The following PAG1 variants were observed in gnomAD, a reference collection of about 807,000 sequenced individuals.
The protein encoded by PAG1 is phosphoprotein membrane anchor with glycosphingolipid microdomains 1, also known as phosphoprotein associated with glycosphingolipid-enriched microdomains 1.
PAG1 carries 23 observed loss-of-function variants against 31.7 expected under a neutral mutation model. That is an observed-to-expected ratio of 0.73 (90% CI 0.52 to 1.03). The LOEUF (loss-of-function observed/expected upper bound fraction) is 1.03, where lower values mean the gene tolerates loss of function less well. Ranked by LOEUF, PAG1 falls within the 50% of genes least tolerant of loss-of-function variation. The probability of loss-of-function intolerance (pLI) is 0.00; values close to 1 mark genes in which losing one functional copy is unlikely to be tolerated. For missense variants in PAG1, 473 were observed against 540.7 expected (o/e 0.87, Z 1.24); for synonymous variants, 214 against 210.3 (o/e 1.02, Z -0.15).
chr8:81,088,408 C>A (rs754986260), intron 1 of PAG1, among the ~76,000 whole-genome samples: 1 of 152,042 alleles, frequency 6.6e-6, no homozygotes, highest in Non-Finnish European at 1.5e-5. Context: ...GCATTTAACA[C>A]CATGATGTGT....
chr8:81,040,302 G>C (rs1808532907), intron 2 of PAG1, among the ~76,000 whole-genome samples: 1 of 152,146 alleles, frequency 6.6e-6, no homozygotes, highest in African/African-American at 2.4e-5. Context: ...AGGAAACTGA[G>C]CCCTGGCTGT....
At chr8:81,046,658 C>T (rs1034942537) in intron 2 of PAG1, among the ~76,000 whole-genome samples, 2 of 151,956 alleles carry the variant, frequency 1.3e-5, no homozygotes, top group African/African-American at 4.8e-5. Context: ...CTTGGAAGCC[C>T]CGTTTCTAAG....
chr8:81,026,296 G>A (rs1163776745), intron 3 of PAG1, among the ~76,000 whole-genome samples: 1 of 151,480 alleles, frequency 6.6e-6, no homozygotes, highest in Non-Finnish European at 1.5e-5. Context: ...TTCAGTGAGC[G>A]CAGATAGCAC....
rs117989655 is a variant in PAG1, at chr8:80,990,092, C to T, written c.177+1387G>A. Among the ~76,000 whole-genome samples the T allele has an allele frequency of 4.5e-3, 660 of 145,336 alleles. 17 individuals carry two copies. The East Asian group carries it at 0.055, about 12-fold the overall frequency. On this transcript the variant is annotated intron_variant, in intron 5 of 8. Transcript: ENST00000220597. This position sits in a 1 kb window ranked among gnomAD's most constrained non-coding sequence, Gnocchi z 5.1. ...CAGCAATCACCAGGCAGAGCAGGGG[C>T]GCTGGGAACAGATGAGAAGTGGCGA...
At chr8:81,038,231 C>G (rs1377307708) in intron 2 of PAG1, among the ~76,000 whole-genome samples, 1 of 152,152 alleles carries the variant, frequency 6.6e-6, no homozygotes, top group African/African-American at 2.4e-5. Context: ...GTTGTGGGGT[C>G]AGTAACTAAC....
chr8:80,986,859 T>A (rs1228410605), intron 6 of PAG1, among the ~76,000 whole-genome samples: 1 of 151,766 alleles, frequency 6.6e-6, no homozygotes, highest in Non-Finnish European at 1.5e-5. Context: ...GCCAATGGAT[T>A]CTCCTTGAGG....
intron 7 of PAG1, among the ~76,000 whole-genome samples, chr8:80,981,862 C>CCTT (rs1554598378): frequency 5.8e-4 from 60 of 103,428 alleles, no homozygotes; most frequent in African/African-American, 2.6e-3. Flanking sequence ...ATCTCACTTC[C>CCTT]TTTTTTTTTT....
At chr8:81,108,042 A>G (rs1471617098) in intron 1 of PAG1, among the ~76,000 whole-genome samples, 1 of 152,236 alleles carries the variant, frequency 6.6e-6, no homozygotes, top group Non-Finnish European at 1.5e-5. Context: ...TCAGAAGAAA[A>G]TTATTCAGAG....
At chr8:81,041,290 T>C (rs920818067) in intron 2 of PAG1, among the ~76,000 whole-genome samples, 5 of 151,786 alleles carry the variant, frequency 3.3e-5, no homozygotes, top group South Asian at 2.1e-4. Flanking sequence ...AAAACCACAA[T>C]AGAGGGACAA....
intron 2 of PAG1, among the ~76,000 whole-genome samples, chr8:81,057,878 CCATA>C (rs927980189): frequency 6.6e-6 from 1 of 152,108 alleles, no homozygotes; most frequent in Non-Finnish European, 1.5e-5. Flanking sequence ...CTTCTTTCCA[CCATA>C]TATATAAATC....
chr8:81,045,304 T>C (rs1808623360), intron 2 of PAG1, among the ~76,000 whole-genome samples: 1 of 152,234 alleles, frequency 6.6e-6, no homozygotes, highest in Admixed American at 6.5e-5. Context: ...TTTCAGGTTG[T>C]TATTTTTGAT....
intron 1 of PAG1, among the ~76,000 whole-genome samples, chr8:81,073,522 CAAA>C (rs1809127034): frequency 1.3e-5 from 2 of 152,164 alleles, no homozygotes; most frequent in African/African-American, 4.8e-5. Flanking sequence ...CTTGTCTATT[CAAA>C]AAGACCGGGA....
At chr8:81,004,066 C>T (rs900467364) in intron 3 of PAG1, among the ~76,000 whole-genome samples, 38 of 152,296 alleles carry the variant, frequency 2.5e-4, no homozygotes, top group African/African-American at 8.9e-4. Flanking sequence ...TTAACATGTA[C>T]TTGGCATATT....
chr8:81,019,069 T>C (rs1470974100), intron 3 of PAG1, among the ~76,000 whole-genome samples: 1 of 152,204 alleles, frequency 6.6e-6, no homozygotes, highest in Non-Finnish European at 1.5e-5. Flanking sequence ...GGAGTAAAGA[T>C]CACTCTTGCT....
chr8:81,047,167 A>C (rs764837268), intron 2 of PAG1, among the ~76,000 whole-genome samples: 1 of 152,156 alleles, frequency 6.6e-6, no homozygotes, highest in Non-Finnish European at 1.5e-5. Context: ...GTGTGCATGT[A>C]TTTTTATAAT....
intron 3 of PAG1, among the ~76,000 whole-genome samples, chr8:80,995,248 G>C (rs542879336): frequency 6.6e-6 from 1 of 152,352 alleles, no homozygotes; most frequent in African/African-American, 2.4e-5. Flanking sequence ...CAACATGAAC[G>C]TCTTCTAAGG....
chr8:81,041,493 C>T (rs1404653312), intron 2 of PAG1, among the ~76,000 whole-genome samples: 1 of 152,150 alleles, frequency 6.6e-6, no homozygotes, highest in Non-Finnish European at 1.5e-5. Flanking sequence ...TGTGGCTCTC[C>T]ATTTATCTTC....
intron 2 of PAG1, among the ~76,000 whole-genome samples, chr8:81,054,695 T>C (rs1380350751): frequency 6.6e-6 from 1 of 150,954 alleles, no homozygotes; most frequent in Non-Finnish European, 1.5e-5. Flanking sequence ...AAAAAAAGAG[T>C]ATATTAATAT....
chr8:81,109,215 T>G (rs1297122725), intron 1 of PAG1, among the ~76,000 whole-genome samples: 2 of 152,290 alleles, frequency 1.3e-5, no homozygotes, highest in East Asian at 3.8e-4. Flanking sequence ...ACAATAATTA[T>G]GATCATTTCT....
Sources: allele counts gnomAD v4.1 joint callset (sites outside exome capture counted in the v4.1 genomes callset), GRCh38; gene constraint gnomAD v4.1.1; non-coding constraint Gnocchi (gnomAD v3.1); transcripts MANE v1.5; gene names NCBI Gene and HGNC (gene_info 2026-07-23, HGNC 2026-07-21).